Variants in XPC observed in about 807,000 individuals in gnomAD.
The protein encoded by XPC is DNA repair protein complementing XP-C cells.
XPC carries 76 observed loss-of-function variants against 95.8 expected under a neutral mutation model. The observed-to-expected ratio is 0.79, with a 90% CI of 0.66 to 0.96. XPC has a LOEUF of 0.96. Among genes scored for constraint, XPC ranks in the 40% least tolerant of loss-of-function variants. XPC has a pLI of 0.00. For synonymous variants in XPC, 442 were observed against 442.1 expected (o/e 1.00, Z 0.00); for missense variants, 1,146 against 1,179.8 (o/e 0.97, Z 0.42).
intron 7 of XPC, among the ~76,000 whole-genome samples, chr3:14,164,042 C>G (rs1696271455): frequency 1.3e-5 from 2 of 152,204 alleles, no homozygotes; most frequent in South Asian, 2.1e-4. Context: ...GAGAGAGACT[C>G]TGTCTCAAAA....
intron 11 of XPC, among the ~76,000 whole-genome samples, chr3:14,152,072 A>C (rs1695712681): frequency 6.6e-6 from 1 of 152,124 alleles, no homozygotes; most frequent in Non-Finnish European, 1.5e-5. Flanking sequence ...CTTTGAATTC[A>C]CAACAGGAGT....
chr3:14,171,232 G>A (rs1264669797), intron 2 of XPC, among the ~76,000 whole-genome samples: 1 of 152,136 alleles, frequency 6.6e-6, no homozygotes, highest in African/African-American at 2.4e-5. Context: ...GTAAACTTTG[G>A]CACTTGGTAC....
At chr3:14,149,089 C>CA in intron 11 of XPC, 141 bp from the exon 12 acceptor site, 3 of 994,234 alleles carry the variant, frequency 3.0e-6, no homozygotes, top group Non-Finnish European at 2.8e-6. Context: ...CTTTTTCTCC[C>CA]TTTTTTTTTT....
At chr3:14,152,741 G>A in intron 10 of XPC, 1 of 271,942 alleles carries the variant, frequency 3.7e-6, no homozygotes, top group Non-Finnish European at 7.0e-6. Flanking sequence ...TCAGGATGGG[G>A]TAAAGGCCGC....
Position 14,147,949 on chromosome 3 carries a change from A to G in XPC, c.2473T>C (p.Trp825Arg), listed in dbSNP as rs759875728. The G allele has an allele frequency of 1.2e-6, 2 of 1,603,162 alleles. No individual in the cohort carries two copies. The highest frequency in any genetic ancestry group is 2.7e-5 in the African/African-American group (2 of 74,804). Residue 825 changes from tryptophan (W) to arginine (R), a missense_variant, in exon 14 of 16, where the codon TGG becomes CGG. Trp to Arg is a moderately radical substitution (Grantham distance 101). Coordinates refer to ENST00000285021, the MANE Select transcript of XPC (RefSeq NM_004628.5). ...TCAATGACTGCCTGCTCATTTTCCC[A>G]GGCAGTCAGGAGCACGTCTTTGAAT... ...EEFKDVLLTA[W>R]ENEQAVIERK...
At position 14,158,792 on chromosome 3, in the gene XPC, T is replaced by G; in HGVS notation, c.1091A>C (p.Lys364Thr). Residue 364 changes from lysine to threonine, a missense_variant, in exon 9 of 16, where the codon AAA becomes ACA. Lys to Thr is a moderately conservative substitution (Grantham distance 78, BLOSUM62 -1). Transcript: ENST00000285021. This position sits in a 1 kb window ranked among gnomAD's most constrained non-coding sequence, Gnocchi z 5.2. ...LENHTKPKTS[K>T]GTKQEETFAK... ...AAAGGTTTCCTCTTGTTTGGTTCCT[T>G]TGCTGGTCTTTGGTTTGGTGTGGTT... The G allele has an allele frequency of 6.2e-7, 1 of 1,613,996 alleles. No individual in the cohort carries two copies. The highest frequency in any genetic ancestry group is 1.7e-5 in the Admixed American group (1 of 60,028).
chr3:14,173,166 C>G, intron 1 of XPC, 104 bp from the exon 2 acceptor site: 1 of 1,140,300 alleles, frequency 8.8e-7, no homozygotes. Context: ...GTCTCCAAAC[C>G]CCATCTCCAT....
chr3:14,147,263 T>C (rs887777436), intron 15 of XPC, 27 bp downstream of exon 15: 2 of 1,593,142 alleles, frequency 1.3e-6, no homozygotes, highest in Non-Finnish European at 1.7e-6. Flanking sequence ...CCTGAGCTTG[T>C]CTTCTCTGCA....
In XPC at chr3:14,156,945, T is replaced by C. The variant is rs367666121; in HGVS notation, c.1873-450A>G. Among the ~76,000 whole-genome samples the C allele has an allele frequency of 2.0e-5, 3 of 152,352 alleles. No individual in the cohort carries two copies. In the East Asian group the frequency reaches 5.8e-4, roughly 29 times the overall value. The stretch of plus-strand genomic sequence containing the variant: ...CTTTTCTCTTCGTCCACTATGACAG[T>C]GTTCTCTCTGCCCTTCTCTGAGATT... On this transcript the variant is annotated intron_variant, in intron 9 of 15. Transcript: ENST00000285021.
intron 11 of XPC, chr3:14,151,727 T>A (rs1292019350): frequency 6.6e-6 from 1 of 152,346 alleles, no homozygotes; most frequent in African/African-American, 2.4e-5. Context: ...TCGGTTCGTG[T>A]TCCTCAAGAG....
At chr3:14,160,384 G>T (rs561615510) in intron 7 of XPC, among the ~76,000 whole-genome samples, 1 of 152,318 alleles carries the variant, frequency 6.6e-6, no homozygotes, top group African/African-American at 2.4e-5. Context: ...CTGTTAACTT[G>T]GAAGTCTGGG....
At chr3:14,174,749 T>A (rs1012597134) in intron 1 of XPC, among the ~76,000 whole-genome samples, 1 of 152,126 alleles carries the variant, frequency 6.6e-6, no homozygotes, top group African/African-American at 2.4e-5. Context: ...CAAAGTTGAT[T>A]TTACAGTATG....
intron 4 of XPC, 117 bp from the exon 5 acceptor site, chr3:14,167,370 C>A: frequency 1.1e-6 from 1 of 903,166 alleles, no homozygotes; most frequent in South Asian, 1.8e-5. Context: ...TTTCCCTACA[C>A]AAGGCTGTGC....
At chr3:14,170,739 C>A in intron 2 of XPC, 189 bp from the exon 3 acceptor site, 1 of 448,862 alleles carries the variant, frequency 2.2e-6, no homozygotes. Context: ...AAGATGTGCT[C>A]TGATCATCTG....
At chr3:14,175,290 G>A (rs2125048797) in intron 1 of XPC, among the ~76,000 whole-genome samples, 1 of 152,196 alleles carries the variant, frequency 6.6e-6, no homozygotes, top group South Asian at 2.1e-4. Flanking sequence ...GGCCTTCCCT[G>A]ACACTGATTC....
At chr3:14,151,338 C>T (rs1184084696) in intron 11 of XPC, 1 of 152,162 alleles carries the variant, frequency 6.6e-6, no homozygotes, top group Non-Finnish European at 1.5e-5. Flanking sequence ...TGTTAAAATT[C>T]CACCTGTTTT....
intron 15 of XPC, among the ~76,000 whole-genome samples, chr3:14,147,016 G>A (rs960188734): frequency 3.9e-5 from 6 of 152,170 alleles, no homozygotes; most frequent in African/African-American, 1.2e-4. Flanking sequence ...TGTGTTCAGC[G>A]CCAAATCAGA....
chr3:14,172,615 G>A lies in XPC; in HGVS notation c.299+252C>T, dbSNP rs139252785. Among the ~76,000 whole-genome samples, 322 of 152,310 alleles carry A rather than the reference G, an allele frequency of 2.1e-3. 2 individuals carry two copies. Among genetic ancestry groups the A allele is most frequent in the African/African-American group, 7.4e-3 (309 of 41,558 alleles). ...TAGTAGAAAGAGCACTGGACCAGGA[G>A]TCAGAAGACCTGGGTTCTCCTGCTT... On this transcript the variant is annotated intron_variant, in intron 2 of 15. Transcript: ENST00000285021.
At chr3:14,157,937 A>G in intron 9 of XPC, 74 bp downstream of exon 9, 1 of 1,518,812 alleles carries the variant, frequency 6.6e-7, no homozygotes, top group Non-Finnish European at 8.8e-7. Flanking sequence ...CTGGGCATAT[A>G]TAAGGTGCTC....
Sources: gnomAD v4.1 joint callset for allele counts (sites outside exome capture counted in the v4.1 genomes callset) on GRCh38, gnomAD v4.1.1 for gene constraint, Gnocchi (gnomAD v3.1) non-coding constraint, MANE v1.5 for transcripts, NCBI Gene and HGNC (gene_info 2026-07-23, HGNC 2026-07-21) for gene names.